The following ITGB3 variants were observed in gnomAD, a reference collection of about 807,000 sequenced individuals.
ITGB3 encodes integrin beta-3.
ITGB3 carries 48 observed loss-of-function variants against 85.8 expected under a neutral mutation model. The observed-to-expected ratio is 0.56, with a 90% CI of 0.44 to 0.71. ITGB3 has a LOEUF of 0.71. Ranked by LOEUF, ITGB3 falls within the 30% of genes least tolerant of loss-of-function variation. The pLI is 0.00. For synonymous variants in ITGB3, 363 were observed against 395.6 expected (o/e 0.92, Z 0.98); for missense variants, 861 against 1,019.1 (o/e 0.84, Z 2.11).
At position 47,312,195 on chromosome 17, in the gene ITGB3, T is replaced by G. The variant is rs569446308; in HGVS notation, c.*1991T>G. Reference sequence around the variant, plus strand: ...CCTGATGTAGCACTTAAGCTTCATTTAGTTATTATTTCTTTCTTCACTTTG... The same window carrying G: ...CCTGATGTAGCACTTAAGCTTCATTGAGTTATTATTTCTTTCTTCACTTTG... On this transcript the variant is annotated 3_prime_UTR_variant, in exon 15 of 15. Transcript: ENST00000559488. Among the ~76,000 whole-genome samples, 33 of 152,360 alleles carry G rather than the reference T, an allele frequency of 2.2e-4. No individual in the cohort carries two copies. The highest frequency in any genetic ancestry group is 7.7e-4 in the African/African-American group (32 of 41,590).
Position 47,289,738 on chromosome 17 carries a change from A to G in ITGB3, c.997A>G (p.Ile333Val). ...EKLSQKNINL[I>V]FAVTENVVNL... ...GCTATCCCAGAAAAACATCAATTTG[A>G]TCTTTGCAGTGACTGAAAATGTAGT... The change falls in exon 7 of 15, where the codon ATC becomes GTC. Residue 333 changes from isoleucine (I) to valine (V), a missense_variant. Coordinates refer to ENST00000559488, the MANE Select transcript of ITGB3 (RefSeq NM_000212.3). 2 of 1,614,070 alleles carry G rather than the reference A, an allele frequency of 1.2e-6. No individual in the cohort carries two copies. Among genetic ancestry groups the G allele is most frequent in the South Asian group, 2.2e-5 (2 of 91,084 alleles).
chr17:47,285,607 A>G (rs558000387), intron 4 of ITGB3, among the ~76,000 whole-genome samples: 1 of 152,102 alleles, frequency 6.6e-6, no homozygotes, highest in Admixed American at 6.5e-5. Context: ...ATGGAGCACA[A>G]CTGTCTCTAA....
intron 10 of ITGB3, among the ~76,000 whole-genome samples, chr17:47,293,579 C>G (rs999510265): frequency 3.3e-5 from 5 of 151,858 alleles, no homozygotes; most frequent in Non-Finnish European, 7.4e-5. Flanking sequence ...CTGGGGATGA[C>G]CCTTGACTCA....
rs1193381168 is a variant in ITGB3, at chr17:47,287,169, C to T, written c.877C>T (p.Gln293Ter). Residue 293 changes from glutamine to a stop codon, truncating the protein, a stop_gained, in exon 6 of 15, where the codon CAG (glutamine) becomes TAG (stop). Transcript: ENST00000559488. LOFTEE classifies it high-confidence loss of function. ...ALDGRLAGIVQPNDGQCHVGS... is the reference protein window; with the variant it reads ...ALDGRLAGIV Reference sequence around the variant, plus strand: ...GGACGGAAGGCTGGCAGGCATTGTCCAGCCTAATGACGGGCAGTGTCATGT... The same window carrying T: ...GGACGGAAGGCTGGCAGGCATTGTCTAGCCTAATGACGGGCAGTGTCATGT... 1 of 1,614,018 alleles carries T rather than the reference C, an allele frequency of 6.2e-7. No individual in the cohort carries two copies. The highest frequency in any genetic ancestry group is 1.1e-5 in the South Asian group (1 of 91,072).
intron 10 of ITGB3, 57 bp downstream of exon 10, chr17:47,292,625 A>G: frequency 1.0e-5 from 16 of 1,563,286 alleles, no homozygotes; most frequent in Non-Finnish European, 1.4e-5. Flanking sequence ...ATATACCTGC[A>G]ACCACTGGAA....
chr17:47,302,278 AG>A (rs2143136937), intron 12 of ITGB3, among the ~76,000 whole-genome samples: 1 of 152,178 alleles, frequency 6.6e-6, no homozygotes, highest in Admixed American at 6.5e-5. Context: ...GAGAAAGGAA[AG>A]AGAGGGAAGA....
At chr17:47,277,580 C>G (rs977318218) in intron 2 of ITGB3, among the ~76,000 whole-genome samples, 2 of 152,112 alleles carry the variant, frequency 1.3e-5, no homozygotes, top group Non-Finnish European at 2.9e-5. Context: ...ACAGGGAGAT[C>G]CTGTCTCTAA....
chr17:47,310,096 C>T, intron 14 of ITGB3, 43 bp from the exon 15 acceptor site: 1 of 1,562,716 alleles, frequency 6.4e-7, no homozygotes, highest in Non-Finnish European at 8.8e-7. Context: ...TAGGGAAGGA[C>T]TTAAGGAAGT....
chr17:47,292,459 C>T lies in ITGB3; in HGVS notation c.1581C>T (p.Cys527=). The T allele has an allele frequency of 7.5e-6, 12 of 1,609,934 alleles. No homozygotes were observed. The highest frequency in any genetic ancestry group is 1.0e-5 in the Non-Finnish European group (12 of 1,177,380). Residue 527 remains cysteine, a synonymous_variant, in exon 10 of 15, where the codon TGC becomes TGT. Transcript: ENST00000559488. ...CCGTCTGCAGCCAGCGGGGCGAGTGCCTCTGTGGTCAATGTGTCTGCCACA... is the reference window on the plus strand; with the variant it reads ...CCGTCTGCAGCCAGCGGGGCGAGTGTCTCTGTGGTCAATGTGTCTGCCACA... ...GQPVCSQRGE[C]LCGQCVCHSS... is the part of the protein sequence containing the mutation.
In ITGB3 at chr17:47,289,132, A is replaced by G. The variant is rs557069822; in HGVS notation, c.940-549A>G. ...AGGATCACGAGGGCCAGGCCAAGGC[A>G]TTTGTCAGTAGTTCCAAAACAGAGG... On this transcript the variant is annotated intron_variant, in intron 6 of 14. Coordinates refer to ENST00000559488, the MANE Select transcript of ITGB3 (RefSeq NM_000212.3). 7.2e-5 allele frequency among the ~76,000 whole-genome samples: 11 copies of G among 152,284 alleles called. No individual in the cohort carries two copies. In the South Asian group the frequency reaches 2.3e-3, roughly 32 times the overall value.
In ITGB3 at chr17:47,284,630, G is replaced by T; in HGVS notation, c.549G>T (p.Val183=). 1 of 1,614,062 alleles carries T rather than the reference G, an allele frequency of 6.2e-7. No homozygotes were observed. The highest frequency in any genetic ancestry group is 1.1e-5 in the South Asian group (1 of 91,050). ...SNLRIGFGAF[V]DKPVSPYMYI... ...TGCGGATTGGCTTCGGGGCATTTGT[G>T]GACAAGCCTGTGTCACCATACATGT... Residue 183 remains valine, a synonymous_variant, in exon 4 of 15, where the codon GTG becomes GTT. Coordinates refer to ENST00000559488, the MANE Select transcript of ITGB3 (RefSeq NM_000212.3).
chr17:47,272,759 C>T (rs1331749802), intron 1 of ITGB3, among the ~76,000 whole-genome samples: 9 of 128,770 alleles, frequency 7.0e-5, no homozygotes, highest in Non-Finnish European at 1.5e-4. Context: ...TCTCTCCTTC[C>T]TTCCTTTCTT....
At chr17:47,302,608 G>A (rs1158982562) in intron 12 of ITGB3, 113 bp from the exon 13 acceptor site, 3 of 1,280,624 alleles carry the variant, frequency 2.3e-6, no homozygotes, top group Admixed American at 1.8e-5. Context: ...TGCACATGAG[G>A]CACAGGGTTT....
At chr17:47,272,371 A>G (rs970807895) in intron 1 of ITGB3, among the ~76,000 whole-genome samples, 1 of 152,058 alleles carries the variant, frequency 6.6e-6, no homozygotes, top group Admixed American at 6.6e-5. Flanking sequence ...TTTTAAAAGA[A>G]TAATATACAT....
chr17:47,267,801 A>T (rs2065030640), intron 1 of ITGB3, among the ~76,000 whole-genome samples: 1 of 152,220 alleles, frequency 6.6e-6, no homozygotes, highest in Admixed American at 6.5e-5. Context: ...TGCTAATTTG[A>T]GAATGAATGG....
At chr17:47,254,793 C>G (rs2064982477) in intron 1 of ITGB3, among the ~76,000 whole-genome samples, 2 of 152,226 alleles carry the variant, frequency 1.3e-5, no homozygotes, top group South Asian at 4.1e-4. Flanking sequence ...GCCCGTGGTC[C>G]TCTCTGAGTC....
chr17:47,301,961 G>C (rs905449582), intron 12 of ITGB3, among the ~76,000 whole-genome samples: 23 of 152,132 alleles, frequency 1.5e-4, no homozygotes, highest in African/African-American at 5.3e-4. Flanking sequence ...TGTGCTTTGA[G>C]ACTCCTGTTC....
intron 1 of ITGB3, among the ~76,000 whole-genome samples, chr17:47,270,580 C>T (rs761010279): frequency 6.6e-6 from 1 of 152,208 alleles, no homozygotes; most frequent in Non-Finnish European, 1.5e-5. Flanking sequence ...TTGCATGGCT[C>T]AGGGCTGCCC....
Position 47,274,440 on chromosome 17 carries a change from G to A in ITGB3, c.101G>A (p.Arg34Gln), listed in dbSNP as rs765882558. ...GCAGGGCCCAACATCTGTACCACGCGAGGTGTGAGCTCCTGCCAGCAGTGC... is the reference window on the plus strand; with the variant it reads ...GCAGGGCCCAACATCTGTACCACGCAAGGTGTGAGCTCCTGCCAGCAGTGC... ...GVGGPNICTT[R>Q]GVSSCQQCLA... The change falls in exon 2 of 15, where the codon CGA (arginine) becomes CAA (glutamine). Residue 34 changes from arginine to glutamine, a missense_variant. Coordinates refer to ENST00000559488, the MANE Select transcript of ITGB3 (RefSeq NM_000212.3). 1.2e-5 allele frequency: 20 copies of A among 1,613,500 alleles called. No individual in the cohort carries two copies. Among genetic ancestry groups the A allele is most frequent in the Non-Finnish European group, 1.6e-5 (19 of 1,179,960 alleles).
Sources: allele counts gnomAD v4.1 joint callset (sites outside exome capture counted in the v4.1 genomes callset), GRCh38; gene constraint gnomAD v4.1.1; transcripts MANE v1.5; gene names NCBI Gene and HGNC (gene_info 2026-07-23, HGNC 2026-07-21).